FRAS1: variants seen among roughly 807,000 people sequenced by gnomAD.
The protein encoded by FRAS1 is extracellular matrix organizing protein FRAS1.
FRAS1 carries 290 observed loss-of-function variants against 435.2 expected under a neutral mutation model. The observed-to-expected ratio is 0.67, with a 90% confidence interval of 0.61 to 0.73. The LOEUF is 0.73. Among genes scored for constraint, FRAS1 ranks in the 30% least tolerant of loss-of-function variants. The probability of loss-of-function intolerance (pLI) is 0.00; values close to 1 mark genes in which losing one functional copy is unlikely to be tolerated. For missense variants in FRAS1, 4,860 were observed against 5,001.5 expected (o/e 0.97, Z 0.85); for synonymous variants, 1,800 against 1,851.0 (o/e 0.97, Z 0.71).
intron 44 of FRAS1, among the ~76,000 whole-genome samples, chr4:78,449,016 C>T (rs559818261): frequency 6.6e-6 from 1 of 152,270 alleles, no homozygotes; most frequent in East Asian, 1.9e-4. Context: ...TATTGGAAAA[C>T]TTGGTAGTTC....
chr4:78,163,938 T>C (rs1484110029), intron 2 of FRAS1, among the ~76,000 whole-genome samples: 1 of 152,116 alleles, frequency 6.6e-6, no homozygotes, highest in Non-Finnish European at 1.5e-5. Context: ...CAGAAAGAGA[T>C]TTTTTGCTCT....
chr4:78,493,985 A>G (rs1578357126), intron 59 of FRAS1, among the ~76,000 whole-genome samples: 1 of 152,068 alleles, frequency 6.6e-6, no homozygotes, highest in Admixed American at 6.6e-5. Flanking sequence ...TCATTGGTCA[A>G]TACTAAGCCC....
At chr4:78,372,113 T>C in intron 23 of FRAS1, among the ~76,000 whole-genome samples, 1 of 152,218 alleles carries the variant, frequency 6.6e-6, no homozygotes, top group East Asian at 1.9e-4. Flanking sequence ...ATTGAGTCCG[T>C]TCTAATGCCT....
At chr4:78,061,990 T>C (rs1467041761) in intron 1 of FRAS1, among the ~76,000 whole-genome samples, 1 of 152,186 alleles carries the variant, frequency 6.6e-6, no homozygotes, top group African/African-American at 2.4e-5. Context: ...AGAGGTGTTG[T>C]TGTGGACTCT....
At chr4:78,283,092 T>C in intron 12 of FRAS1, 125 bp downstream of exon 12, 1 of 705,476 alleles carries the variant, frequency 1.4e-6, no homozygotes, top group South Asian at 3.9e-5. Flanking sequence ...TTTGTTTGTT[T>C]CTTCATAATT....
At chr4:78,071,831 A>G (rs987114617) in intron 2 of FRAS1, 1 of 152,232 alleles carries the variant, frequency 6.6e-6, no homozygotes, top group Non-Finnish European at 1.5e-5. Flanking sequence ...TCTAGTACTT[A>G]AAATACAGCC....
intron 2 of FRAS1, among the ~76,000 whole-genome samples, chr4:78,224,686 C>T (rs1038550837): frequency 3.9e-5 from 6 of 151,976 alleles, no homozygotes; most frequent in Admixed American, 1.3e-4. Context: ...GTGCGCACCA[C>T]GGCACCCAGC....
Position 78,320,661 on chromosome 4 carries a change from GTC to G in FRAS1, c.2137+1694_2137+1695del, listed in dbSNP as rs372055845. The stretch of plus-strand genomic sequence containing the variant: ...AACTTCTCTCTCCCTCCCTCCTTCT[GTC>G]TCTCTCTCTCTCTCTCTCCCGCATT... On this transcript the variant is annotated intron_variant, in intron 18 of 73. Coordinates refer to ENST00000512123, the MANE Select transcript of FRAS1 (RefSeq NM_025074.7). Among the ~76,000 whole-genome samples the G allele has an allele frequency of 5.9e-3, 879 of 149,472 alleles. 8 individuals carry two copies. The highest frequency in any genetic ancestry group is 0.02 in the African/African-American group (827 of 40,726).
intron 14 of FRAS1, among the ~76,000 whole-genome samples, chr4:78,300,332 A>G (rs1011785113): frequency 6.6e-6 from 1 of 152,238 alleles, no homozygotes; most frequent in African/African-American, 2.4e-5. Flanking sequence ...TTTATAAAAT[A>G]TAAATAAGGA....
chr4:78,131,900 T>C lies in FRAS1; in HGVS notation c.108+65884T>C, dbSNP rs376760094. Among the ~76,000 whole-genome samples the C allele has an allele frequency of 4.1e-4, 63 of 152,364 alleles. 2 individuals are homozygous for C. Among genetic ancestry groups the C allele is most frequent in the African/African-American group, 1.4e-3 (60 of 41,588 alleles). On this transcript the variant is annotated intron_variant, in intron 2 of 73. Transcript: ENST00000512123. ...GAGTTCTAAATCAAGATCTGGGTAA[T>C]AGCGTCTGCATGGATTTAAGTAGTT...
At position 78,448,140 on chromosome 4, in the gene FRAS1, T is replaced by G; in HGVS notation, c.6098T>G (p.Ile2033Ser). ...GGCTCAACCTTCACCTACCAGGATA[T>G]CCTAGCTGGGCTGGTTGGGTATGTG... is the stretch of plus-strand genomic sequence containing the variant. Reference protein sequence around the residue: ...VQGSTFTYQDILAGLVGYVPS... With the variant: ...VQGSTFTYQDSLAGLVGYVPS... Residue 2033 changes from isoleucine to serine, a missense_variant, in exon 44 of 74, where the codon ATC becomes AGC. Coordinates refer to ENST00000512123, the MANE Select transcript of FRAS1 (RefSeq NM_025074.7). The G allele has an allele frequency of 6.2e-7, 1 of 1,613,760 alleles. No homozygotes were observed.
chr4:78,318,661 T>C, intron 17 of FRAS1, 149 bp from the exon 18 acceptor site: 1 of 709,484 alleles, frequency 1.4e-6, no homozygotes, highest in East Asian at 2.9e-5. Flanking sequence ...AACATTATTA[T>C]CACTCTGTGC....
chr4:78,086,246 T>C (rs1370688212), intron 2 of FRAS1, among the ~76,000 whole-genome samples: 3 of 152,258 alleles, frequency 2.0e-5, no homozygotes, highest in African/African-American at 4.8e-5. Flanking sequence ...AGACACAACA[T>C]ACCAGAATCT....
intron 2 of FRAS1, among the ~76,000 whole-genome samples, chr4:78,075,138 G>A (rs981281739): frequency 6.6e-6 from 1 of 152,192 alleles, no homozygotes; most frequent in African/African-American, 2.4e-5. Flanking sequence ...GGATAAGAAA[G>A]GCCTGGAGTT....
chr4:78,087,923 T>C (rs1216218394), intron 2 of FRAS1, among the ~76,000 whole-genome samples: 2 of 152,174 alleles, frequency 1.3e-5, no homozygotes, highest in Non-Finnish European at 2.9e-5. Context: ...TGGAAAAAAC[T>C]ACTTTAAAGT....
At chr4:78,362,714 G>C (rs537129597) in intron 20 of FRAS1, among the ~76,000 whole-genome samples, 108 of 152,320 alleles carry the variant, frequency 7.1e-4, no homozygotes, top group African/African-American at 2.3e-3. Context: ...GAATGATGGT[G>C]AAAGTGGAGA....
chr4:78,496,577 T>C (rs1251996514), intron 59 of FRAS1, among the ~76,000 whole-genome samples: 1 of 152,202 alleles, frequency 6.6e-6, no homozygotes, highest in African/African-American at 2.4e-5. Flanking sequence ...TCACCAATAA[T>C]TAAAAATGGT....
At chr4:78,446,533 T>G in intron 42 of FRAS1, 194 bp from the exon 43 acceptor site, 2 of 1,364,952 alleles carry the variant, frequency 1.5e-6, no homozygotes, top group Non-Finnish European at 9.4e-7. Context: ...CAGCTTCTTT[T>G]GAAGGGGGCA....
intron 13 of FRAS1, among the ~76,000 whole-genome samples, chr4:78,285,958 A>G (rs1354777744): frequency 1.3e-5 from 2 of 152,188 alleles, no homozygotes; most frequent in South Asian, 2.1e-4. Flanking sequence ...AGTTACTTAT[A>G]TCTCTTTCAT....
Sources: gnomAD v4.1 joint callset for allele counts (sites outside exome capture counted in the v4.1 genomes callset) on GRCh38, gnomAD v4.1.1 for gene constraint, MANE v1.5 for transcripts, NCBI Gene and HGNC (gene_info 2026-07-23, HGNC 2026-07-21) for gene names.